The following IL1RAP variants were observed in gnomAD, a reference collection of about 807,000 sequenced individuals.
The protein encoded by IL1RAP is interleukin-1 receptor accessory protein.
A neutral mutation model predicts 60.7 loss-of-function variants in IL1RAP; 35 were observed. The ratio of observed to expected loss-of-function variants is 0.58; its 90% CI spans 0.44 to 0.76. The LOEUF is 0.76. Ranked by LOEUF, IL1RAP falls within the 30% of genes least tolerant of loss-of-function variation. The pLI is 0.00. For missense variants in IL1RAP, 572 were observed against 693.9 expected, an observed-to-expected ratio of 0.82 and a Z score of 1.97; for synonymous variants, 268 against 250.9, an observed-to-expected ratio of 1.07 and a Z score of -0.64.
At chr3:190,597,848 C>T (rs1729515095) in intron 3 of IL1RAP, among the ~76,000 whole-genome samples, 1 of 152,106 alleles carries the variant, frequency 6.6e-6, no homozygotes, top group Admixed American at 6.5e-5. Context: ...TCCTACTTTA[C>T]AAAAGAAAAA....
chr3:190,557,410 G>A (rs957001742), intron 2 of IL1RAP, among the ~76,000 whole-genome samples: 1 of 152,174 alleles, frequency 6.6e-6, no homozygotes, highest in African/African-American at 2.4e-5. Context: ...AAAGATGGCA[G>A]GTGGTATATT....
intron 3 of IL1RAP, among the ~76,000 whole-genome samples, chr3:190,568,768 A>G (rs1304872441): frequency 6.6e-6 from 1 of 152,234 alleles, no homozygotes; most frequent in East Asian, 1.9e-4. Flanking sequence ...TGCATCATGG[A>G]CACACACAGG....
At chr3:190,581,357 A>G (rs1213699262) in intron 3 of IL1RAP, among the ~76,000 whole-genome samples, 1 of 152,192 alleles carries the variant, frequency 6.6e-6, no homozygotes, top group East Asian at 1.9e-4. Flanking sequence ...TAACCAGTAA[A>G]AGCAAATCAG....
At chr3:190,624,106 C>T (rs1056595400) in intron 7 of IL1RAP, among the ~76,000 whole-genome samples, 4 of 152,214 alleles carry the variant, frequency 2.6e-5, no homozygotes, top group Admixed American at 6.5e-5. Flanking sequence ...GACAATAGCT[C>T]TCCAAAAAGA....
At chr3:190,637,132 A>G (rs906231913) in intron 9 of IL1RAP, among the ~76,000 whole-genome samples, 3 of 152,182 alleles carry the variant, frequency 2.0e-5, no homozygotes, top group Non-Finnish European at 4.4e-5. Flanking sequence ...ACAGTGTACC[A>G]ACATGTATTG....
chr3:190,587,434 A>T (rs1175625916), intron 3 of IL1RAP, among the ~76,000 whole-genome samples: 1 of 152,234 alleles, frequency 6.6e-6, no homozygotes, highest in Non-Finnish European at 1.5e-5. Context: ...AATTAAGTGA[A>T]TGGTACTGGT....
Position 190,629,485 on chromosome 3 carries a change from G to A in IL1RAP, c.1038G>A (p.Lys346=), listed in dbSNP as rs772456241. ...SAKGEVAKAA[K]VKQKVPAPRY... is the part of the protein sequence containing the mutation. ...AAGGCGAAGTTGCCAAAGCAGCCAA[G>A]GTGAAGCAGAAAGGTAATAGATGCG... The change falls in exon 9 of 12, where the codon AAG becomes AAA. Residue 346 remains lysine (K), a synonymous_variant. Transcript: ENST00000447382. The A allele has an allele frequency of 9.4e-5, 152 of 1,611,978 alleles. No individual in the cohort carries two copies. The highest frequency in any genetic ancestry group is 1.3e-4 in the Non-Finnish European group (151 of 1,179,306).
At chr3:190,585,439 T>G (rs1728369692) in intron 3 of IL1RAP, among the ~76,000 whole-genome samples, 1 of 152,344 alleles carries the variant, frequency 6.6e-6, no homozygotes, top group Admixed American at 6.5e-5. Flanking sequence ...TGCATGTGTG[T>G]GTGACCCATC....
downstream of IL1RAP, among the ~76,000 whole-genome samples, chr3:190,654,964 C>G (rs999408651): frequency 1.3e-5 from 2 of 152,178 alleles, no homozygotes; most frequent in Non-Finnish European, 2.9e-5. Flanking sequence ...GAAGTCTTAG[C>G]TACTTGACTA....
chr3:190,520,966 C>T (rs1721970069), intron 1 of IL1RAP, among the ~76,000 whole-genome samples: 1 of 152,182 alleles, frequency 6.6e-6, no homozygotes, highest in Admixed American at 6.5e-5. Context: ...TGATGTCAAA[C>T]TGATCTGCCT....
chr3:190,521,263 G>A (rs921760750), intron 1 of IL1RAP, among the ~76,000 whole-genome samples: 4 of 151,958 alleles, frequency 2.6e-5, no homozygotes, highest in African/African-American at 9.7e-5. Flanking sequence ...TCGTCAAAAT[G>A]CTTGTTATTG....
intron 1 of IL1RAP, among the ~76,000 whole-genome samples, chr3:190,542,906 C>T (rs780315216): frequency 3.3e-5 from 4 of 120,460 alleles, no homozygotes; most frequent in African/African-American, 1.3e-4. Context: ...TTTTGGCTAG[C>T]ATCAACAGGC....
intron 3 of IL1RAP, among the ~76,000 whole-genome samples, chr3:190,582,639 A>T (rs957853204): frequency 2.6e-5 from 4 of 152,096 alleles, no homozygotes; most frequent in South Asian, 2.1e-4. Context: ...TTTCTGCAGT[A>T]GCCTCATAAT....
At chr3:190,553,182 C>T (rs764839818) in intron 1 of IL1RAP, among the ~76,000 whole-genome samples, 12 of 152,172 alleles carry the variant, frequency 7.9e-5, no homozygotes, top group Non-Finnish European at 1.0e-4. Flanking sequence ...GGACGTACAA[C>T]AAGATGGAGG....
chr3:190,650,961 T>C lies in IL1RAP; in HGVS notation c.*2256T>C. On this transcript the variant is annotated 3_prime_UTR_variant, in exon 12 of 12. Transcript: ENST00000447382. The stretch of plus-strand genomic sequence containing the variant: ...TTGGGCACCCCTAGAAATACCTTGA[T>C]GTTTTTTCTATTTATATGCCTGCCT... 1.0e-6 allele frequency: 1 copy of C among 985,328 alleles called. No homozygotes were observed. The highest frequency in any genetic ancestry group is 1.2e-6 in the Non-Finnish European group (1 of 829,800). The allele number at this position is 985,328 out of a possible 1,614,324, so 61.0% of individuals were successfully genotyped here.
At position 190,637,622 on chromosome 3, in the gene IL1RAP, G is replaced by T. The variant is rs1031482314; in HGVS notation, c.1052-6626G>T. ...TAGGTTTCTTTTCTAGGTAAAATTT[G>T]CATAAAGTAACAAATTGCATAATTC... On this transcript the variant is annotated intron_variant, in intron 9 of 11. Coordinates refer to ENST00000447382, the MANE Select transcript of IL1RAP (RefSeq NM_002182.4). Among the ~76,000 whole-genome samples the T allele has an allele frequency of 4.6e-5, 7 of 152,088 alleles. No individual in the cohort carries two copies. The East Asian group carries it at 1.4e-3, about 29-fold the overall frequency.
chr3:190,547,075 T>C (rs560633256), intron 1 of IL1RAP, among the ~76,000 whole-genome samples: 2 of 152,252 alleles, frequency 1.3e-5, no homozygotes, highest in East Asian at 1.9e-4. Context: ...CAGTGTTCTG[T>C]TTTTTTGTAA....
chr3:190,611,980 T>C (rs1352996254), intron 5 of IL1RAP, among the ~76,000 whole-genome samples: 2 of 152,316 alleles, frequency 1.3e-5, no homozygotes, highest in East Asian at 3.9e-4. Flanking sequence ...ATTTGGAACA[T>C]ACAATACTAA....
chr3:190,627,269 GTTT>G, intron 7 of IL1RAP, 51 bp from the exon 8 acceptor site: 2 of 1,390,450 alleles, frequency 1.4e-6, no homozygotes, highest in Non-Finnish European at 1.9e-6. Flanking sequence ...GTTTTGTTTT[GTTT>G]TGTTTTGTTT....
Sources: allele counts gnomAD v4.1 joint callset (sites outside exome capture counted in the v4.1 genomes callset), GRCh38; gene constraint gnomAD v4.1.1; transcripts MANE v1.5; gene names NCBI Gene and HGNC (gene_info 2026-07-23, HGNC 2026-07-21).